Variants in COL23A1 observed in about 807,000 individuals in gnomAD.
COL23A1 encodes collagen alpha-1(XXIII) chain.
Under a neutral mutation model 99.3 loss-of-function variants are expected in COL23A1, and 97 were observed. The ratio of observed to expected loss-of-function variants is 0.98; its 90% CI spans 0.83 to 1.16. The LOEUF (loss-of-function observed/expected upper bound fraction) is 1.16, where lower values mean the gene tolerates loss of function less well. Ranked by LOEUF, COL23A1 falls within the 50% of genes most tolerant of loss-of-function variation. The pLI, the probability that COL23A1 is intolerant of heterozygous loss-of-function variation, is 0.00. For synonymous variants in COL23A1, 320 were observed against 308.2 expected, an observed-to-expected ratio of 1.04 and a Z score of -0.40; for missense variants, 762 against 757.4, an observed-to-expected ratio of 1.01 and a Z score of -0.07.
intron 2 of COL23A1, among the ~76,000 whole-genome samples, chr5:178,400,360 C>T: frequency 9.1e-6 from 1 of 109,954 alleles, no homozygotes; most frequent in Admixed American, 1.0e-4. Context: ...GAGCGAGACT[C>T]CGTCTCAAAA....
chr5:178,547,629 CACACCCCCCCACACA>C (rs2113415663), intron 2 of COL23A1, among the ~76,000 whole-genome samples: 1 of 5,546 alleles, frequency 1.8e-4, no homozygotes, highest in African/African-American at 5.3e-4. Context: ...CACACCCACC[CACACCCCCCCACACA>C]CACACACCCC....
chr5:178,517,873 CTTTTTTTTTTTT>C (rs71577021), intron 2 of COL23A1, among the ~76,000 whole-genome samples: 1,061 of 97,710 alleles, frequency 0.011, 15 homozygotes, highest in Middle Eastern at 0.025. Context: ...AACAGCGGTT[CTTTTTTTTTTTT>C]TTTTTTTTTT....
intron 2 of COL23A1, among the ~76,000 whole-genome samples, chr5:178,535,231 C>T (rs1760872983): frequency 6.6e-6 from 1 of 152,206 alleles, no homozygotes; most frequent in Non-Finnish European, 1.5e-5. Context: ...GCCTCAGCCT[C>T]CCAAAGTGCT....
chr5:178,249,716 A>ACACCCTCTCTCTCTCTCTCTCTCTCT, intron 18 of COL23A1, among the ~76,000 whole-genome samples: 1 of 92,752 alleles, frequency 1.1e-5, no homozygotes, highest in Non-Finnish European at 2.2e-5. Context: ...ACACACACAC[A>ACACCCTCTCTCTCTCTCTCTCTCTCT]CTCTCTCTCT....
At chr5:178,288,447 C>A in intron 4 of COL23A1, 97 bp from the exon 5 acceptor site, 1 of 1,058,046 alleles carries the variant, frequency 9.5e-7, no homozygotes, top group Non-Finnish European at 1.5e-6. Context: ...CACCCGCCCC[C>A]CGACAGCTGG....
intron 2 of COL23A1, among the ~76,000 whole-genome samples, chr5:178,469,960 T>A (rs959835959): frequency 1.3e-5 from 2 of 152,204 alleles, no homozygotes; most frequent in African/African-American, 4.8e-5. Flanking sequence ...ATGGCAATCA[T>A]CACAGTTCAT....
chr5:178,316,226 T>C (rs1758975715), intron 2 of COL23A1, among the ~76,000 whole-genome samples: 1 of 152,218 alleles, frequency 6.6e-6, no homozygotes, highest in African/African-American at 2.4e-5. Flanking sequence ...ATCAATTAGA[T>C]AGACCTAAAG....
intron 2 of COL23A1, among the ~76,000 whole-genome samples, chr5:178,556,611 G>A (rs531857941): frequency 7.7e-5 from 10 of 130,478 alleles, no homozygotes; most frequent in Non-Finnish European, 1.4e-4. Context: ...CAACAAGAAC[G>A]AAACTCTGTC....
intron 1 of COL23A1, among the ~76,000 whole-genome samples, chr5:178,582,902 C>G (rs866815446): frequency 6.6e-6 from 1 of 152,202 alleles, no homozygotes; most frequent in Non-Finnish European, 1.5e-5. Context: ...TGGGCACACC[C>G]GCACTGTCCC....
intron 2 of COL23A1, among the ~76,000 whole-genome samples, chr5:178,484,954 G>A (rs543268465): frequency 3.1e-4 from 47 of 152,210 alleles, no homozygotes; most frequent in African/African-American, 1.1e-3. Flanking sequence ...TTCTGGCCAA[G>A]GACCCCCAGT....
chr5:178,564,663 G>T (rs543223605), intron 1 of COL23A1, among the ~76,000 whole-genome samples: 2 of 152,172 alleles, frequency 1.3e-5, no homozygotes, highest in Admixed American at 1.3e-4. Flanking sequence ...AAGTCTGGGG[G>T]AAGGGCGGCA....
At chr5:178,513,951 C>T (rs556763397) in intron 2 of COL23A1, among the ~76,000 whole-genome samples, 5 of 152,254 alleles carry the variant, frequency 3.3e-5, no homozygotes, top group South Asian at 2.1e-4. Context: ...GGGTCAATGG[C>T]ATTAAGCACA....
At chr5:178,460,435 G>A (rs1462347985) in intron 2 of COL23A1, among the ~76,000 whole-genome samples, 1 of 151,480 alleles carries the variant, frequency 6.6e-6, no homozygotes, top group Non-Finnish European at 1.5e-5. Context: ...TGTAAGGAAA[G>A]CTCTGTCAAG....
chr5:178,414,966 T>C (rs1765230264), intron 2 of COL23A1, among the ~76,000 whole-genome samples: 1 of 151,726 alleles, frequency 6.6e-6, no homozygotes, highest in African/African-American at 2.4e-5. Flanking sequence ...GGGTATGAAG[T>C]GGAGTGGGGT....
intron 1 of COL23A1, among the ~76,000 whole-genome samples, chr5:178,578,206 C>T (rs1179435647): frequency 6.6e-6 from 1 of 151,984 alleles, no homozygotes; most frequent in African/African-American, 2.4e-5. Context: ...ACACATACAC[C>T]CATGTACACA....
rs2127615516 is a variant in COL23A1, at chr5:178,313,476, C to T, written c.362-6557G>A. ...AGACTGTGGGGATGCTGCTGGCAGCCACAGCAGTGTCCCGTGTGAGGAGCC... is the reference window on the plus strand; with the variant it reads ...AGACTGTGGGGATGCTGCTGGCAGCTACAGCAGTGTCCCGTGTGAGGAGCC... On this transcript the variant is annotated intron_variant, in intron 2 of 28. Transcript: ENST00000390654. This position sits in a 1 kb window ranked among gnomAD's most constrained non-coding sequence, Gnocchi z 4.2. Among the ~76,000 whole-genome samples the T allele has an allele frequency of 6.6e-6, 1 of 152,318 alleles. No individual in the cohort carries two copies. The highest frequency in any genetic ancestry group is 1.9e-4 in the East Asian group (1 of 5,186).
chr5:178,352,668 T>C (rs1761396214), intron 2 of COL23A1, among the ~76,000 whole-genome samples: 1 of 152,230 alleles, frequency 6.6e-6, no homozygotes, highest in South Asian at 2.1e-4. Context: ...CGTGGCCTAA[T>C]AGACAATGTA....
intron 2 of COL23A1, among the ~76,000 whole-genome samples, chr5:178,333,404 C>A (rs1478133050): frequency 4.6e-5 from 7 of 152,094 alleles, no homozygotes; most frequent in Non-Finnish European, 1.5e-5. Context: ...GGGCCCCTGG[C>A]ATGAATCCAG....
At chr5:178,242,470 C>T (rs1764458355) in intron 25 of COL23A1, 76 bp from the exon 26 acceptor site, 1 of 1,458,162 alleles carries the variant, frequency 6.9e-7, no homozygotes, top group African/African-American at 1.4e-5. Flanking sequence ...CATCTCTGTT[C>T]CTCTCCCATC....
Sources: gnomAD v4.1 joint callset for allele counts (sites outside exome capture counted in the v4.1 genomes callset) on GRCh38, gnomAD v4.1.1 for gene constraint, Gnocchi (gnomAD v3.1) non-coding constraint, MANE v1.5 for transcripts, NCBI Gene and HGNC (gene_info 2026-07-23, HGNC 2026-07-21) for gene names.